The following QTMAN variants were observed in gnomAD, a reference collection of about 807,000 sequenced individuals.
The protein encoded by QTMAN is queuosine-tRNA mannosyltransferase.
At chr2:144,173,493 G>A in the QTMAN span, among the ~76,000 whole-genome samples, 1 of 152,146 alleles carries the variant, frequency 6.6e-6, no homozygotes, top group African/African-American at 2.4e-5. Flanking sequence ...AGAAACTAAA[G>A]CCTTTAGTCC....
At chr2:144,024,918 GATA>G in the QTMAN span, among the ~76,000 whole-genome samples, 2,033 of 152,176 alleles carry the variant, frequency 0.013, 45 homozygotes, top group African/African-American at 0.045. Context: ...AAGCATCTGT[GATA>G]ACTAACAATC....
At chr2:143,953,418 TGAA>T in the QTMAN span, among the ~76,000 whole-genome samples, 1 of 151,796 alleles carries the variant, frequency 6.6e-6, no homozygotes, top group Non-Finnish European at 1.5e-5. Context: ...AAAACTCTCA[TGAA>T]GATTACTTTA....
At chr2:144,033,664 T>G in the QTMAN span, among the ~76,000 whole-genome samples, 1 of 152,168 alleles carries the variant, frequency 6.6e-6, no homozygotes, top group Non-Finnish European at 1.5e-5. Context: ...GGTCAGAGTG[T>G]GGGTGGGGCC....
At chr2:144,222,751 T>C in the QTMAN span, among the ~76,000 whole-genome samples, 1 of 151,956 alleles carries the variant, frequency 6.6e-6, no homozygotes, top group Non-Finnish European at 1.5e-5. Flanking sequence ...GAGCTTGCAG[T>C]GAGCTGAGAT....
At chr2:144,288,458 T>C in the QTMAN span, among the ~76,000 whole-genome samples, 1 of 152,304 alleles carries the variant, frequency 6.6e-6, no homozygotes, top group East Asian at 1.9e-4. Context: ...CTAATACGTT[T>C]TCAGAGCTCA....
At chr2:144,002,851 A>G in the QTMAN span, among the ~76,000 whole-genome samples, 1 of 151,962 alleles carries the variant, frequency 6.6e-6, no homozygotes, top group Non-Finnish European at 1.5e-5. Context: ...AAATCATTAA[A>G]CATTCAACTT....
chr2:144,011,290 C>T, the QTMAN span, among the ~76,000 whole-genome samples: 2 of 152,032 alleles, frequency 1.3e-5, no homozygotes, highest in African/African-American at 4.8e-5. Flanking sequence ...TTGAATTAGG[C>T]TGAACAAATG....
the QTMAN span, among the ~76,000 whole-genome samples, chr2:143,976,618 C>T: frequency 1.6e-4 from 24 of 152,320 alleles, no homozygotes; most frequent in African/African-American, 5.3e-4. Flanking sequence ...TTTCCCTCCA[C>T]GCCTGCAGCT....
chr2:143,972,388 T>C, the QTMAN span, among the ~76,000 whole-genome samples: 6 of 152,186 alleles, frequency 3.9e-5, no homozygotes, highest in African/African-American at 1.4e-4. Context: ...CATTTTGAGT[T>C]CCAAAATTTT....
the QTMAN span, among the ~76,000 whole-genome samples, chr2:144,190,596 G>C: frequency 2.0e-5 from 3 of 151,956 alleles, no homozygotes; most frequent in East Asian, 5.8e-4. Flanking sequence ...ACAAAAAAGG[G>C]GACTTTATCT....
chr2:144,321,066 T>G, the QTMAN span, among the ~76,000 whole-genome samples: 1 of 152,216 alleles, frequency 6.6e-6, no homozygotes, highest in Non-Finnish European at 1.5e-5. Context: ...ACATCTCTTA[T>G]GTTTTAGCAT....
chr2:143,938,195 C>T, the QTMAN span: 1 of 152,176 alleles, frequency 6.6e-6, no homozygotes, highest in Non-Finnish European at 1.5e-5. Flanking sequence ...CACAAGTTCC[C>T]CTCCATGGCT....
chr2:144,013,301 C>G, the QTMAN span, among the ~76,000 whole-genome samples: 3 of 152,250 alleles, frequency 2.0e-5, no homozygotes, highest in African/African-American at 4.8e-5. Context: ...TCCACCTCCT[C>G]CTCACCTACC....
chr2:144,195,739 T>A, the QTMAN span, among the ~76,000 whole-genome samples: 1 of 152,272 alleles, frequency 6.6e-6, no homozygotes, highest in African/African-American at 2.4e-5. Flanking sequence ...AGGATTCAAA[T>A]TTCAGAGCAA....
the QTMAN span, chr2:144,317,365 G>T: frequency 1.6e-5 from 2 of 127,474 alleles, no homozygotes; most frequent in Non-Finnish European, 3.1e-5. Context: ...ATCTTCAAGG[G>T]GAAGGAAGGA....
chr2:143,990,418 A>C, the QTMAN span, among the ~76,000 whole-genome samples: 1 of 152,318 alleles, frequency 6.6e-6, no homozygotes, highest in African/African-American at 2.4e-5. Flanking sequence ...CTAGATATGA[A>C]TTAGAGGGTG....
chr2:144,109,246 C>T, the QTMAN span, among the ~76,000 whole-genome samples: 1 of 152,284 alleles, frequency 6.6e-6, no homozygotes, highest in East Asian at 1.9e-4. Context: ...TACCACACAT[C>T]TACAACCATC....
chr2:144,291,263 G>A, the QTMAN span, among the ~76,000 whole-genome samples: 1 of 152,156 alleles, frequency 6.6e-6, no homozygotes, highest in South Asian at 2.1e-4. Context: ...ACATTTTGGG[G>A]TACTAGGAGT....
chr2:143,999,033 C>A, the QTMAN span, among the ~76,000 whole-genome samples: 1 of 152,076 alleles, frequency 6.6e-6, no homozygotes, highest in South Asian at 2.1e-4. Flanking sequence ...CATTAAGTAA[C>A]ATTGACTAAG....
Sources: gnomAD v4.1 joint callset for allele counts (sites outside exome capture counted in the v4.1 genomes callset) on GRCh38, gnomAD v4.1.1 for gene constraint, MANE v1.5 for transcripts, NCBI Gene and HGNC (gene_info 2026-07-23, HGNC 2026-07-21) for gene names.